The following NOX3 variants were observed in gnomAD, a reference collection of about 807,000 sequenced individuals.
NOX3 encodes the protein NADPH oxidase 3, also known as NADPH oxidase catalytic subunit-like 3.
In NOX3, 74 loss-of-function variants were observed where a neutral mutation model predicts 76.7. The ratio of observed to expected loss-of-function variants is 0.96; its 90% CI spans 0.80 to 1.17. The LOEUF is 1.17. Among genes scored for constraint, NOX3 ranks in the 50% most tolerant of loss-of-function variants. NOX3 has a pLI of 0.00. For synonymous variants in NOX3, 263 were observed against 261.1 expected (o/e 1.01, Z -0.07); for missense variants, 695 against 703.3 (o/e 0.99, Z 0.13).
chr6:155,435,626 G>A (rs906252583), intron 7 of NOX3, among the ~76,000 whole-genome samples: 41 of 152,012 alleles, frequency 2.7e-4, no homozygotes, highest in Non-Finnish European at 1.3e-4. Context: ...GTTATTCCAT[G>A]TTTTAAGTGA....
chr6:155,413,632 T>C (rs971752355), intron 10 of NOX3, among the ~76,000 whole-genome samples: 4 of 152,184 alleles, frequency 2.6e-5, no homozygotes, highest in African/African-American at 9.7e-5. Flanking sequence ...AATTACTCTT[T>C]GAAAACCTTA....
At chr6:155,435,797 TG>T (rs1427090431) in intron 7 of NOX3, among the ~76,000 whole-genome samples, 16 of 152,326 alleles carry the variant, frequency 1.1e-4, no homozygotes, top group Non-Finnish European at 1.8e-4. Flanking sequence ...CCAACTGTAA[TG>T]GTTACCACCT....
intron 12 of NOX3, among the ~76,000 whole-genome samples, chr6:155,401,167 C>T (rs1225891598): frequency 6.6e-6 from 1 of 152,004 alleles, no homozygotes; most frequent in African/African-American, 2.4e-5. Context: ...ATAAATCCAC[C>T]CTGTACTCAC....
chr6:155,438,811 C>A (rs924475333), intron 6 of NOX3, among the ~76,000 whole-genome samples: 10 of 152,146 alleles, frequency 6.6e-5, no homozygotes, highest in Non-Finnish European at 1.0e-4. Context: ...CCATGCTCAG[C>A]GGTGGCAATG....
chr6:155,442,616 G>T (rs1169243967), intron 5 of NOX3, among the ~76,000 whole-genome samples: 1 of 152,236 alleles, frequency 6.6e-6, no homozygotes, highest in Non-Finnish European at 1.5e-5. Flanking sequence ...AAGAGGTAGG[G>T]GTGAATTAAG....
chr6:155,397,002 G>A (rs1386901835), intron 12 of NOX3, 40 bp from the exon 13 acceptor site: 1 of 1,574,366 alleles, frequency 6.4e-7, no homozygotes, highest in Non-Finnish European at 8.6e-7. Context: ...ATGTCACCAG[G>A]AGGCAAGGCC....
At chr6:155,445,969 A>ATATGCTATATATATAT (rs1380551108) in intron 4 of NOX3, among the ~76,000 whole-genome samples, 7 of 96,678 alleles carry the variant, frequency 7.2e-5, no homozygotes, top group African/African-American at 2.9e-4. Context: ...ATATATATAT[A>ATATGCTATATATATAT]ATATATATAT....
chr6:155,410,973 A>G (rs1395544063), intron 11 of NOX3, among the ~76,000 whole-genome samples: 1 of 152,210 alleles, frequency 6.6e-6, no homozygotes, highest in Admixed American at 6.5e-5. Context: ...ATTGTCTTCC[A>G]TTGTCTGACC....
intron 7 of NOX3, among the ~76,000 whole-genome samples, chr6:155,432,461 A>G: frequency 6.6e-6 from 1 of 151,164 alleles, no homozygotes; most frequent in South Asian, 2.1e-4. Context: ...GACATTCACC[A>G]CCCCTCCCCG....
In NOX3 at chr6:155,408,261, C is replaced by T. The variant is rs1384120169; in HGVS notation, c.1456-1007G>A. Among the ~76,000 whole-genome samples the T allele has an allele frequency of 2.6e-5, 4 of 152,294 alleles. No individual in the cohort carries two copies. In the East Asian group the frequency reaches 7.7e-4, roughly 29 times the overall value. On this transcript the variant is annotated intron_variant, in intron 11 of 13. Coordinates refer to ENST00000159060, the MANE Select transcript of NOX3 (RefSeq NM_015718.3). ...TTGGCCTCCCAAATTGTTGGGATTA[C>T]AGGCATGAGCCACTGCACCTGGCCA...
In NOX3 at chr6:155,428,918, TA is replaced by T; in HGVS notation, c.1020del (p.Thr341ProfsTer53). 9 of 1,613,590 alleles carry T rather than the reference TA, an allele frequency of 5.6e-6. No individual in the cohort carries two copies. The highest frequency in any genetic ancestry group is 7.6e-6 in the Non-Finnish European group (9 of 1,179,820). Reference protein sequence around the residue: ...ISSLEWHPFTLTSAPQEDFFS... With the variant: ...ISSLEWHPFTXTSAPQEDFFS... ...AAAAAGTCCTCCTGGGGGGCAGAGG[TA>T]AGGGTGAAGGGGTGCCACTCCAGCG... On this transcript the variant is annotated frameshift_variant, in exon 9 of 14. Transcript: ENST00000159060. LOFTEE classifies it high-confidence loss of function.
intron 7 of NOX3, among the ~76,000 whole-genome samples, chr6:155,436,178 CCAT>C (rs1268109047): frequency 2.0e-5 from 3 of 152,136 alleles, no homozygotes; most frequent in Non-Finnish European, 4.4e-5. Flanking sequence ...TGAATTCCCA[CCAT>C]ATCAGACACT....
chr6:155,428,509 C>T (rs1776787216), intron 9 of NOX3, among the ~76,000 whole-genome samples: 1 of 152,120 alleles, frequency 6.6e-6, no homozygotes, highest in African/African-American at 2.4e-5. Context: ...TAGAAGTAAC[C>T]AGGTGATGCT....
At chr6:155,406,791 T>G (rs78281438) in intron 12 of NOX3, among the ~76,000 whole-genome samples, 5,867 of 152,218 alleles carry the variant, frequency 0.039, 178 homozygotes, top group East Asian at 0.15. Flanking sequence ...ACATGCTAGA[T>G]AGTGTACAGT....
intron 11 of NOX3, among the ~76,000 whole-genome samples, chr6:155,407,797 G>A (rs1776483682): frequency 6.6e-6 from 1 of 152,136 alleles, no homozygotes; most frequent in Non-Finnish European, 1.5e-5. Context: ...AGGATGTGGA[G>A]CCTGGCAGGC....
chr6:155,424,068 T>C (rs889022377), intron 9 of NOX3, among the ~76,000 whole-genome samples: 1 of 152,148 alleles, frequency 6.6e-6, no homozygotes, highest in Non-Finnish European at 1.5e-5. Context: ...CCTCTCTCCT[T>C]AGTTGGTTAA....
At chr6:155,428,711 T>A in intron 9 of NOX3, 83 bp downstream of exon 9, 1 of 1,272,912 alleles carries the variant, frequency 7.9e-7, no homozygotes, top group South Asian at 2.4e-5. Context: ...AAGATATTGC[T>A]GAATCAGGTA....
intron 10 of NOX3, among the ~76,000 whole-genome samples, chr6:155,419,373 C>T (rs567614457): frequency 5.9e-5 from 9 of 152,180 alleles, no homozygotes; most frequent in African/African-American, 2.2e-4. Context: ...TGCTCAGGTC[C>T]TGACTCAGTG....
chr6:155,407,959 T>G (rs1372983746), intron 11 of NOX3, among the ~76,000 whole-genome samples: 1 of 152,200 alleles, frequency 6.6e-6, no homozygotes, highest in Non-Finnish European at 1.5e-5. Flanking sequence ...CATTTTTGTT[T>G]GTTTGTTTTT....
Sources: gnomAD v4.1 joint callset for allele counts (sites outside exome capture counted in the v4.1 genomes callset) on GRCh38, gnomAD v4.1.1 for gene constraint, MANE v1.5 for transcripts, NCBI Gene and HGNC (gene_info 2026-07-23, HGNC 2026-07-21) for gene names.